Variants in AGBL1 observed in about 807,000 individuals in gnomAD.
AGBL1 encodes the protein cytosolic carboxypeptidase 4.
AGBL1 carries 130 observed loss-of-function variants against 118.9 expected under a neutral mutation model. The observed-to-expected ratio is 1.09, with a 90% CI of 0.95 to 1.26. AGBL1 has a LOEUF of 1.26. AGBL1 is among the 50% of genes most tolerant of loss of function. The pLI is 0.00. For missense variants in AGBL1, 1,584 were observed against 1,298.1 expected, an observed-to-expected ratio of 1.22 and a Z score of -3.38; for synonymous variants, 555 against 478.9, an observed-to-expected ratio of 1.16 and a Z score of -2.08.
chr15:86,111,215 C>G (rs896992916), intron 1 of AGBL1, among the ~76,000 whole-genome samples: 1 of 152,210 alleles, frequency 6.6e-6, no homozygotes, highest in African/African-American at 2.4e-5. Flanking sequence ...CTCTCTTTAC[C>G]TCTTGGCCTT....
chr15:86,715,801 G>C lies in AGBL1; in HGVS notation c.3158+41365G>C, dbSNP rs149226474. ...AGGCCGGGTGCGGTGGCTCACACCT[G>C]TAATCCCAGCACTTTGGGAGGCTGA... On this transcript the variant is annotated intron_variant, in intron 22 of 22. Coordinates refer to ENST00000614907, the MANE Select transcript of AGBL1 (RefSeq NM_001386094.1). 1.8e-3 allele frequency among the ~76,000 whole-genome samples: 267 copies of C among 152,286 alleles called. 3 individuals are homozygous for C. In the East Asian group the frequency reaches 0.022, roughly 13 times the overall value.
intron 22 of AGBL1, among the ~76,000 whole-genome samples, chr15:86,695,221 C>A (rs952172749): frequency 6.6e-6 from 1 of 151,870 alleles, no homozygotes; most frequent in Non-Finnish European, 1.5e-5. Flanking sequence ...TCCATGTGGT[C>A]CTAGAATTTT....
At chr15:86,273,582 C>G (rs1039117) in intron 15 of AGBL1, among the ~76,000 whole-genome samples, 1 of 152,062 alleles carries the variant, frequency 6.6e-6, no homozygotes, top group Non-Finnish European at 1.5e-5. Flanking sequence ...ATATCTCTCT[C>G]CCTATTTACC....
chr15:86,279,375 A>G (rs1234566825), intron 15 of AGBL1, among the ~76,000 whole-genome samples: 1 of 152,180 alleles, frequency 6.6e-6, no homozygotes, highest in Non-Finnish European at 1.5e-5. Flanking sequence ...TTCAGACAGC[A>G]AGGAAAGGTC....
At chr15:86,301,265 T>A (rs1367325074) in intron 17 of AGBL1, among the ~76,000 whole-genome samples, 1 of 152,120 alleles carries the variant, frequency 6.6e-6, no homozygotes, top group East Asian at 1.9e-4. Flanking sequence ...ATAAAGACTA[T>A]TGAGTCCTGA....
intron 18 of AGBL1, among the ~76,000 whole-genome samples, chr15:86,470,635 A>G (rs2082467583): frequency 6.6e-6 from 1 of 152,170 alleles, no homozygotes; most frequent in South Asian, 2.1e-4. Context: ...TAGCATGGAC[A>G]TTTTAGCAAT....
intron 18 of AGBL1, among the ~76,000 whole-genome samples, chr15:86,459,785 G>A (rs189316217): frequency 1.4e-3 from 213 of 152,146 alleles, no homozygotes; most frequent in African/African-American, 4.7e-3. Flanking sequence ...AAGTCCTACC[G>A]CATTCTGCCC....
chr15:86,923,404 C>T (rs2080500260), intron 23 of AGBL1, among the ~76,000 whole-genome samples: 1 of 152,194 alleles, frequency 6.6e-6, no homozygotes, highest in Admixed American at 6.5e-5. Context: ...TTCCCCATCT[C>T]CTAAGTTTAT....
At chr15:86,843,617 T>A (rs1036559528) in intron 22 of AGBL1, among the ~76,000 whole-genome samples, 124 of 152,140 alleles carry the variant, frequency 8.2e-4, no homozygotes, top group African/African-American at 2.7e-3. Context: ...CGCCGAATGA[T>A]TTCTCCTTTC....
intron 21 of AGBL1, among the ~76,000 whole-genome samples, chr15:86,568,661 C>T (rs933943354): frequency 6.6e-6 from 1 of 152,216 alleles, no homozygotes; most frequent in African/African-American, 2.4e-5. Flanking sequence ...AGCAGAGCAT[C>T]AGCAGCATCT....
chr15:87,001,161 A>C (rs1214410379), intron 24 of AGBL1, among the ~76,000 whole-genome samples: 1 of 146,236 alleles, frequency 6.8e-6, no homozygotes, highest in African/African-American at 2.6e-5. Context: ...ATATACAATC[A>C]TGTCATCTGC....
intron 24 of AGBL1, among the ~76,000 whole-genome samples, chr15:87,023,537 G>A (rs2081691179): frequency 6.6e-6 from 1 of 151,954 alleles, no homozygotes; most frequent in South Asian, 2.1e-4. Context: ...AATAGTGGGG[G>A]ACTTTTTAAT....
chr15:86,161,686 T>C (rs945910358), intron 5 of AGBL1, among the ~76,000 whole-genome samples: 2 of 152,236 alleles, frequency 1.3e-5, no homozygotes, highest in African/African-American at 4.8e-5. Context: ...CAGTTGGCTA[T>C]TTCCTCTCAA....
rs373007727 is a variant in AGBL1 at position 86,624,834 on chromosome 15, G to C, written c.2995-49439G>C. The stretch of plus-strand genomic sequence containing the variant: ...AAAGGTCAGACACCAGCAGCTTGTC[G>C]TTCCCTCTCCTGCCCACATTGCCAA... On this transcript the variant is annotated intron_variant, in intron 21 of 22. Coordinates refer to ENST00000614907, the MANE Select transcript of AGBL1 (RefSeq NM_001386094.1). Among the ~76,000 whole-genome samples, 5 of 152,262 alleles carry C rather than the reference G, an allele frequency of 3.3e-5. No individual in the cohort carries two copies. In the East Asian group the frequency reaches 7.7e-4, roughly 24 times the overall value.
At chr15:86,321,156 T>C (rs1165989057) in intron 17 of AGBL1, among the ~76,000 whole-genome samples, 1 of 152,112 alleles carries the variant, frequency 6.6e-6, no homozygotes, top group Non-Finnish European at 1.5e-5. Context: ...CTCTGAAGAG[T>C]GTGTGTAACA....
At chr15:86,987,842 A>T (rs2081299643) in intron 23 of AGBL1, 5 of 739,244 alleles carry the variant, frequency 6.8e-6, no homozygotes, top group Non-Finnish European at 9.9e-6. Flanking sequence ...TTCTGACCTT[A>T]TGTTGCTGGT....
At chr15:86,299,381 C>G (rs1247465262) in intron 17 of AGBL1, among the ~76,000 whole-genome samples, 3 of 152,076 alleles carry the variant, frequency 2.0e-5, no homozygotes, top group African/African-American at 4.8e-5. Flanking sequence ...GCATCAGGGA[C>G]TCTGAGTGAT....
At chr15:86,167,386 C>G (rs1419599670) in intron 5 of AGBL1, among the ~76,000 whole-genome samples, 1 of 151,992 alleles carries the variant, frequency 6.6e-6, no homozygotes, top group Non-Finnish European at 1.5e-5. Flanking sequence ...GCTGGGATTA[C>G]AGGTGCCCAC....
intron 18 of AGBL1, among the ~76,000 whole-genome samples, chr15:86,416,689 T>C (rs2081700868): frequency 6.6e-6 from 1 of 152,234 alleles, no homozygotes; most frequent in Admixed American, 6.5e-5. Flanking sequence ...ATGCATGTAA[T>C]GTAACGGATA....
Sources: gnomAD v4.1 joint callset for allele counts (sites outside exome capture counted in the v4.1 genomes callset) on GRCh38, gnomAD v4.1.1 for gene constraint, MANE v1.5 for transcripts, NCBI Gene and HGNC (gene_info 2026-07-23, HGNC 2026-07-21) for gene names.